Variants in ITIH6 observed in about 807,000 individuals in gnomAD.
The protein encoded by ITIH6 is inter-alpha-trypsin inhibitor heavy chain family member 6.
ITIH6 carries 60 observed loss-of-function variants against 58.2 expected under a neutral mutation model. The ratio of observed to expected loss-of-function variants is 1.03; its 90% CI spans 0.84 to 1.28. The LOEUF is 1.28. Among genes scored for constraint, ITIH6 ranks in the 50% most tolerant of loss-of-function variants. The pLI is 0.00. For synonymous variants in ITIH6, 493 were observed against 417.4 expected, an observed-to-expected ratio of 1.18 and a Z score of -2.21; for missense variants, 1,290 against 1,021.1, an observed-to-expected ratio of 1.26 and a Z score of -3.59.
chrX:54,761,954 GT>G (rs1928655855), intron 6 of ITIH6, among the ~76,000 whole-genome samples: 1 of 111,868 alleles, frequency 8.9e-6, no homozygotes, highest in South Asian at 3.8e-4. Flanking sequence ...CTTTAAAGTA[GT>G]TTTTTCCAAT....
intron 2 of ITIH6, 103 bp from the exon 3 acceptor site, chrX:54,792,139 T>C (rs780092095): frequency 7.4e-6 from 4 of 538,204 alleles, no homozygotes; most frequent in South Asian, 3.2e-5. Flanking sequence ...AGGGTAGAGA[T>C]AGGGAAAGAG....
chrX:54,798,083 C>T, intron 1 of ITIH6, 26 bp downstream of exon 1: 5 of 1,050,699 alleles, frequency 4.8e-6, no homozygotes, highest in Non-Finnish European at 6.5e-6. Context: ...AATCCCCAAG[C>T]TTTTTTCCCT....
chrX:54,760,116 T>G (rs901537189), intron 6 of ITIH6, among the ~76,000 whole-genome samples, 189 bp from the exon 7 acceptor site: 1 of 112,290 alleles, frequency 8.9e-6, no homozygotes, highest in Non-Finnish European at 1.9e-5. Flanking sequence ...AGAACTGCAC[T>G]GTTTAATATG....
At chrX:54,756,077 ATATTAG>A (rs1928480029) in intron 8 of ITIH6, among the ~76,000 whole-genome samples, 1 of 110,987 alleles carries the variant, frequency 9.0e-6, no homozygotes, top group Non-Finnish European at 1.9e-5. Flanking sequence ...TTTGGTAAAT[ATATTAG>A]AGGTAGCATT....
intron 6 of ITIH6, among the ~76,000 whole-genome samples, chrX:54,769,577 T>G (rs1208176613): frequency 9.5e-6 from 1 of 105,644 alleles, no homozygotes; most frequent in Non-Finnish European, 1.9e-5. Context: ...TCCTTTCTGT[T>G]TGTTAGTTTT....
Position 54,757,304 on chromosome X carries a change from C to T in ITIH6, c.2770G>A (p.Gly924Arg). 1 of 1,195,641 alleles carries T rather than the reference C, an allele frequency of 8.4e-7. No individual in the cohort carries two copies. Among genetic ancestry groups the T allele is most frequent in the South Asian group, 1.8e-5 (1 of 54,128 alleles). ...GTAAAGGGCATGGGGAGGGGTTCTC[C>T]AAGGACAGAGGTGGTTGTGGTACTG... ...PSSTTTTSVLGEPLPMPFTPT... is the reference protein window; with the variant it reads ...PSSTTTTSVLREPLPMPFTPT... The change falls in exon 8 of 13, where the codon GGA (glycine) becomes AGA (arginine). Residue 924 changes from glycine (G) to arginine (R), a missense_variant. Gly to Arg is a moderately radical substitution (Grantham distance 125, BLOSUM62 -2). Transcript: ENST00000218436.
In ITIH6 at chrX:54,759,011, T is replaced by C. The variant is rs901339511; in HGVS notation, c.1076-13A>G. 1.3e-5 allele frequency: 14 copies of C among 1,106,775 alleles called. No homozygotes were observed. The Admixed American group carries it at 2.3e-4, about 18-fold the overall frequency. The allele number at this position is 1,106,775 out of a possible 1,213,427, so 91.2% of individuals were successfully genotyped here. ...TTGACGTCTGTCCCTAATTGGGGAA[T>C]AGATTGTGAGACCATCTTCTCTGGT... On this transcript the variant is annotated splice_polypyrimidine_tract_variant and intron_variant, in intron 7 of 12. Transcript: ENST00000218436.
intron 7 of ITIH6, among the ~76,000 whole-genome samples, chrX:54,759,227 TTGTC>T (rs749012467): frequency 2.7e-5 from 3 of 111,199 alleles, no homozygotes; most frequent in East Asian, 2.8e-4. Context: ...ACACTGTTCT[TTGTC>T]TGTTTCCTTG....
chrX:54,766,666 G>T (rs1928795245), intron 6 of ITIH6, among the ~76,000 whole-genome samples: 1 of 87,177 alleles, frequency 1.1e-5, no homozygotes. Flanking sequence ...TTTGTCTTTG[G>T]TTCTGTTTAT....
At position 54,767,998 on chromosome X, in the gene ITIH6, A is replaced by G. The variant is rs372166954; in HGVS notation, c.903+6083T>C. Among the ~76,000 whole-genome samples the G allele has an allele frequency of 5.2e-3, 498 of 96,424 alleles. 2 individuals carry two copies. Among genetic ancestry groups the G allele is most frequent in the African/African-American group, 0.024 (458 of 19,123 alleles). 83.7% of individuals were successfully genotyped at this position (96,424 alleles called of 115,157 possible). A position where few individuals can be genotyped will look rare whatever the true frequency, so the allele number is the denominator to read the frequency against. ...CTAATGTTGACAGTGGGGTGTTAAA[A>G]TCTCCCATTATTAATGTGTGGGAGT... On this transcript the variant is annotated intron_variant, in intron 6 of 12. Coordinates refer to ENST00000218436, the MANE Select transcript of ITIH6 (RefSeq NM_198510.3).
rs757840339 is a variant in ITIH6 at position 54,758,248 on chromosome X, A to G, written c.1826T>C (p.Val609Ala). Residue 609 changes from valine (V) to alanine (A), a missense_variant, in exon 8 of 13, where the codon GTC (valine) becomes GCC (alanine). Val to Ala is a moderately conservative substitution (Grantham distance 64). Coordinates refer to ENST00000218436, the MANE Select transcript of ITIH6 (RefSeq NM_198510.3). ...YNFVTPLTSLVMVQPKQASEE... is the reference protein window; with the variant it reads ...YNFVTPLTSLAMVQPKQASEE... Reference sequence around the variant, plus strand: ...ACTGGCCTGTTTGGGTTGCACCATGACCAGTGAAGTCAGAGGTGTGACAAA... The same window carrying G: ...ACTGGCCTGTTTGGGTTGCACCATGGCCAGTGAAGTCAGAGGTGTGACAAA... 5 of 1,211,003 alleles carry G rather than the reference A, an allele frequency of 4.1e-6. No homozygotes were observed. In the East Asian group the frequency reaches 1.5e-4, roughly 36 times the overall value.
In ITIH6 at chrX:54,758,228, C is replaced by A; in HGVS notation, c.1846G>T (p.Ala616Ser). Reference sequence around the variant, plus strand: ...GTCTGTCTCCTGGTCTCCTCACTGGCCTGTTTGGGTTGCACCATGACCAGT... The same window carrying A: ...GTCTGTCTCCTGGTCTCCTCACTGGACTGTTTGGGTTGCACCATGACCAGT... ...TSLVMVQPKQ[A>S]SEETRRQTST... The change falls in exon 8 of 13, where the codon GCC (alanine) becomes TCC (serine). Residue 616 changes from alanine to serine, a missense_variant. Coordinates refer to ENST00000218436, the MANE Select transcript of ITIH6 (RefSeq NM_198510.3). 4 of 1,210,954 alleles carry A rather than the reference C, an allele frequency of 3.3e-6. No homozygotes were observed. Among genetic ancestry groups the A allele is most frequent in the Non-Finnish European group, 4.5e-6 (4 of 895,114 alleles).
At position 54,757,677 on chromosome X, in the gene ITIH6, T is replaced by TG. The variant is rs748210642; in HGVS notation, c.2396dup (p.Gln800ThrfsTer4). ...ACTGTGGCAGGCCTTTAGGTGCCTG[T>TG]GATGTGAGTGCCCCAAGTTGGGGGT... On this transcript the variant is annotated frameshift_variant, in exon 8 of 13. Coordinates refer to ENST00000218436, the MANE Select transcript of ITIH6 (RefSeq NM_198510.3). LOFTEE classifies it high-confidence loss of function. The TG allele has an allele frequency of 1.1e-5, 13 of 1,210,496 alleles. No individual in the cohort carries two copies. The East Asian group carries it at 3.8e-4, about 36-fold the overall frequency.
intron 2 of ITIH6, among the ~76,000 whole-genome samples, chrX:54,795,076 C>G (rs925545722): frequency 8.9e-6 from 1 of 111,950 alleles, no homozygotes; most frequent in African/African-American, 3.3e-5. Flanking sequence ...TTCAGCAACT[C>G]CTACGTGGAT....
At chrX:54,756,930 C>G (rs774607423) in intron 8 of ITIH6, 35 bp downstream of exon 8, 2 of 959,583 alleles carry the variant, frequency 2.1e-6, no homozygotes, top group Non-Finnish European at 2.9e-6. Flanking sequence ...TCATACCTCA[C>G]CCTCATGGCT....
At chrX:54,781,628 T>C (rs1460365904) in intron 5 of ITIH6, among the ~76,000 whole-genome samples, 1 of 112,590 alleles carries the variant, frequency 8.9e-6, no homozygotes, top group East Asian at 2.8e-4. Context: ...TTAAACACTG[T>C]TGGTGAGAGC....
In ITIH6 at chrX:54,758,856, G is replaced by A; in HGVS notation, c.1218C>T (p.Thr406=). ...TDGEPTAGVT[T]PSVILSNVRQ... The stretch of plus-strand genomic sequence containing the variant: ...GGACATTGGAGAGGATCACACTGGG[G>A]GTCGTCACGCCGGCCGTGGGCTCCC... The change falls in exon 8 of 13, where the codon ACC becomes ACT. Residue 406 remains threonine (T), a synonymous_variant. Coordinates refer to ENST00000218436, the MANE Select transcript of ITIH6 (RefSeq NM_198510.3). 1.7e-6 allele frequency: 2 copies of A among 1,211,544 alleles called. No homozygotes were observed. Among genetic ancestry groups the A allele is most frequent in the Non-Finnish European group, 2.2e-6 (2 of 895,452 alleles).
Position 54,796,891 on chromosome X carries a change from A to G in ITIH6, c.257+51T>C, listed in dbSNP as rs139643954. The G allele has an allele frequency of 5.3e-4, 615 of 1,151,594 alleles. 1 individual carries two copies. The African/African-American group carries it at 1.0e-2, about 19-fold the overall frequency. 94.9% of individuals were successfully genotyped at this position (1,151,594 alleles called of 1,213,427 possible). A position where few individuals can be genotyped will look rare whatever the true frequency, so the allele number is the denominator to read the frequency against. On this transcript the variant is annotated intron_variant, in intron 2 of 12. Coordinates refer to ENST00000218436, the MANE Select transcript of ITIH6 (RefSeq NM_198510.3). ...TGCTGACAGAATAAGCACAAGAACGAACAAATATATGCACAAATGAATGAA... is the reference window on the plus strand; with the variant it reads ...TGCTGACAGAATAAGCACAAGAACGGACAAATATATGCACAAATGAATGAA...
At chrX:54,761,429 C>T (rs1211459657) in intron 6 of ITIH6, among the ~76,000 whole-genome samples, 1 of 111,125 alleles carries the variant, frequency 9.0e-6, no homozygotes, top group Non-Finnish European at 1.9e-5. Context: ...TGTGCAGAAG[C>T]TCTTTAGTTT....
Sources: gnomAD v4.1 joint callset for allele counts (sites outside exome capture counted in the v4.1 genomes callset) on GRCh38, gnomAD v4.1.1 for gene constraint, MANE v1.5 for transcripts, NCBI Gene and HGNC (gene_info 2026-07-23, HGNC 2026-07-21) for gene names.